Variants in ZNF282 observed in about 807,000 individuals in gnomAD.
ZNF282 encodes the protein zinc finger protein 282, also known as HTLV-I U5 repressive element-binding protein 1.
ZNF282 carries 30 observed loss-of-function variants against 61.9 expected under a neutral mutation model. The ratio of observed to expected loss-of-function variants is 0.48; its 90% CI spans 0.36 to 0.66. The LOEUF (loss-of-function observed/expected upper bound fraction) is 0.66. Among genes scored for constraint, ZNF282 ranks in the 30% least tolerant of loss-of-function variants. The pLI is 0.00. For synonymous variants in ZNF282, 396 were observed against 405.0 expected (o/e 0.98, Z 0.27); for missense variants, 788 against 941.4 (o/e 0.84, Z 2.13).
intron 2 of ZNF282, among the ~76,000 whole-genome samples, chr7:149,206,396 A>G (rs80116267): frequency 0.01 from 1,551 of 152,288 alleles, 21 homozygotes; most frequent in African/African-American, 0.036. Context: ...CTGAATACCA[A>G]AAGAAGCATA....
At chr7:149,213,884 G>C in intron 7 of ZNF282, 70 bp downstream of exon 7, 1 of 1,138,300 alleles carries the variant, frequency 8.8e-7, no homozygotes, top group East Asian at 2.4e-5. Context: ...GTGGACGAAG[G>C]CTGGTCCTCT....
chr7:149,207,873 C>T (rs1796022912), intron 4 of ZNF282, among the ~76,000 whole-genome samples: 1 of 152,218 alleles, frequency 6.6e-6, no homozygotes, highest in Admixed American at 6.5e-5. Context: ...TAATGTACAG[C>T]GTCATCACCT....
At chr7:149,223,700 A>T (rs1454623913) in intron 7 of ZNF282, 112 bp from the exon 8 acceptor site, 2 of 1,169,204 alleles carry the variant, frequency 1.7e-6, no homozygotes, top group Admixed American at 3.7e-5. Flanking sequence ...AATCCCTCGT[A>T]GTTAGTGGAA....
At chr7:149,205,708 A>G (rs561597156) in intron 2 of ZNF282, among the ~76,000 whole-genome samples, 3 of 152,332 alleles carry the variant, frequency 2.0e-5, no homozygotes, top group African/African-American at 4.8e-5. Context: ...CCCACTCACC[A>G]TGCTGAGTAG....
At chr7:149,205,628 C>T (rs116187467) in intron 2 of ZNF282, among the ~76,000 whole-genome samples, 2,728 of 152,070 alleles carry the variant, frequency 0.018, 65 homozygotes, top group African/African-American at 0.06. Context: ...ATCGCACCTG[C>T]GCATGGCATT....
Position 149,224,431 on chromosome 7 carries a change from G to A in ZNF282, c.1800G>A (p.Arg600=). The A allele has an allele frequency of 1.9e-6, 3 of 1,613,774 alleles. No individual in the cohort carries two copies. Among genetic ancestry groups the A allele is most frequent in the Non-Finnish European group, 2.5e-6 (3 of 1,179,914 alleles). Residue 600 remains arginine (R), a synonymous_variant, in exon 8 of 8, where the codon CGG becomes CGA. Transcript: ENST00000610704. ...ACCAGCGGCTGCACACGGGCGAGCG[G>A]CCTTTCCAATGTGCACTGTGCGGCA... ...QNHQRLHTGE[R]PFQCALCGKS...
At chr7:149,219,287 AC>A (rs1217034561) in intron 7 of ZNF282, among the ~76,000 whole-genome samples, 1 of 152,250 alleles carries the variant, frequency 6.6e-6, no homozygotes, top group Non-Finnish European at 1.5e-5. Flanking sequence ...CTTCCCAGGA[AC>A]CAGGGACAAA....
chr7:149,198,895 C>A lies in ZNF282; in HGVS notation c.585+143C>A. On this transcript the variant is annotated intron_variant, in intron 2 of 7. Coordinates refer to ENST00000610704, the MANE Select transcript of ZNF282 (RefSeq NM_003575.4). This position sits in a 1 kb window ranked among gnomAD's most constrained non-coding sequence, Gnocchi z 4.3. ...TCAGTGTCTTCTTAAAGCCTGTCTC[C>A]ACTGAAACAACCTGGTCTTGGACGT... 8.5e-7 allele frequency: 1 copy of A among 1,176,782 alleles called. No individual in the cohort carries two copies. Among genetic ancestry groups the A allele is most frequent in the Non-Finnish European group, 1.2e-6 (1 of 859,870 alleles). The allele number at this position is 1,176,782 out of a possible 1,614,324, so 72.9% of individuals were successfully genotyped here.
At chr7:149,222,360 G>A (rs1796269323) in intron 7 of ZNF282, among the ~76,000 whole-genome samples, 2 of 152,332 alleles carry the variant, frequency 1.3e-5, no homozygotes, top group South Asian at 4.1e-4. Flanking sequence ...CACATGCTTA[G>A]TGGAAACATG....
In ZNF282 at chr7:149,224,208, G is replaced by T. The variant is rs763218497; in HGVS notation, c.1577G>T (p.Ser526Ile). The change falls in exon 8 of 8, where the codon AGC (serine) becomes ATC (isoleucine). Residue 526 changes from serine (S) to isoleucine (I), a missense_variant. Ser to Ile is a moderately radical substitution (Grantham distance 142). Coordinates refer to ENST00000610704, the MANE Select transcript of ZNF282 (RefSeq NM_003575.4). ...KPYSCPECGK[S>I]FGVRKSLIIH... ...TACTCGTGCCCCGAGTGCGGCAAGAGCTTCGGCGTGCGCAAGAGCCTCATC... is the reference window on the plus strand; with the variant it reads ...TACTCGTGCCCCGAGTGCGGCAAGATCTTCGGCGTGCGCAAGAGCCTCATC... 1 of 1,608,448 alleles carries T rather than the reference G, an allele frequency of 6.2e-7. No homozygotes were observed. The highest frequency in any genetic ancestry group is 8.5e-7 in the Non-Finnish European group (1 of 1,179,776).
intron 6 of ZNF282, 23 bp from the exon 7 acceptor site, chr7:149,213,678 C>T (rs147914591): frequency 9.8e-5 from 155 of 1,582,356 alleles, no homozygotes; most frequent in Middle Eastern, 1.7e-4. Context: ...AAATCTAAGA[C>T]TGCCTTCTTT....
intron 4 of ZNF282, among the ~76,000 whole-genome samples, chr7:149,207,966 G>A (rs550076244): frequency 6.6e-6 from 1 of 152,334 alleles, no homozygotes; most frequent in African/African-American, 2.4e-5. Flanking sequence ...TCTTAAGCCT[G>A]AGGAAATCGG....
intron 2 of ZNF282, 60 bp from the exon 3 acceptor site, chr7:149,206,636 A>G: frequency 6.2e-7 from 1 of 1,606,804 alleles, no homozygotes; most frequent in East Asian, 2.2e-5. Context: ...CCCGCAGGAG[A>G]AGGGGAGGTG....
rs754959826 is a variant in ZNF282 at position 149,226,118 on chromosome 7, C to A, written c.*1471C>A. On this transcript the variant is annotated 3_prime_UTR_variant, in exon 8 of 8. Transcript: ENST00000610704. Reference sequence around the variant, plus strand: ...TACGCTGCTCCGCTTTCCTCAGACCCCTTTTTGCCGTGCAAAGGGAATTCT... The same window carrying A: ...TACGCTGCTCCGCTTTCCTCAGACCACTTTTTGCCGTGCAAAGGGAATTCT... 1 of 152,698 alleles carries A rather than the reference C, an allele frequency of 6.5e-6. No homozygotes were observed. The highest frequency in any genetic ancestry group is 6.5e-5 in the Admixed American group (1 of 15,290). The allele number at this position is 152,698 out of a possible 1,614,324, so 9.5% of individuals were successfully genotyped here. A position where few individuals can be genotyped will look rare whatever the true frequency, so the allele number is the denominator to read the frequency against.
chr7:149,220,161 C>A (rs757640209), intron 7 of ZNF282, among the ~76,000 whole-genome samples: 17 of 152,198 alleles, frequency 1.1e-4, no homozygotes, highest in Non-Finnish European at 2.1e-4. Context: ...GTAATCCCAG[C>A]ACTTTGAGAG....
intron 5 of ZNF282, among the ~76,000 whole-genome samples, chr7:149,211,764 C>G (rs1268288140): frequency 6.6e-6 from 1 of 152,130 alleles, no homozygotes; most frequent in Non-Finnish European, 1.5e-5. Flanking sequence ...AGCCCGTTCA[C>G]TTGTCATCAG....
At position 149,195,757 on chromosome 7, in the gene ZNF282, G is replaced by A; in HGVS notation, c.165+3G>A. The A allele has an allele frequency of 6.7e-7, 1 of 1,498,688 alleles. No individual in the cohort carries two copies. Among genetic ancestry groups the A allele is most frequent in the Admixed American group, 2.3e-5 (1 of 42,964 alleles). 92.8% of individuals were successfully genotyped at this position (1,498,688 alleles called of 1,614,324 possible). A position where few individuals can be genotyped will look rare whatever the true frequency, so the allele number is the denominator to read the frequency against. The stretch of plus-strand genomic sequence containing the variant: ...CCGAGGGAATGCCGCCCATGCAGGT[G>A]GGAGAACCCCGCCGGCGCCATGGCC... On this transcript the variant is annotated splice_donor_region_variant and intron_variant, in intron 1 of 7. Coordinates refer to ENST00000610704, the MANE Select transcript of ZNF282 (RefSeq NM_003575.4).
In ZNF282 at chr7:149,195,712, G is replaced by C; in HGVS notation, c.123G>C (p.Pro41=). The C allele has an allele frequency of 1.3e-6, 2 of 1,549,846 alleles. No homozygotes were observed. The highest frequency in any genetic ancestry group is 1.2e-5 in the South Asian group (1 of 84,756). Residue 41 remains proline (P), a synonymous_variant, in exon 1 of 8, where the codon CCG becomes CCC. Coordinates refer to ENST00000610704, the MANE Select transcript of ZNF282 (RefSeq NM_003575.4). The stretch of plus-strand genomic sequence containing the variant: ...CGGAGGAGGTCTGCCACCAGGAGCC[G>C]GCGCTGCGCGGGGAAATGGCCGAGG... The part of the protein sequence containing the change: ...LPPEEVCHQE[P]ALRGEMAEGM...
intron 7 of ZNF282, among the ~76,000 whole-genome samples, chr7:149,219,862 T>C (rs116388763): frequency 0.031 from 4,699 of 151,848 alleles, 231 homozygotes; most frequent in African/African-American, 0.11. Flanking sequence ...CGAAAAAGTT[T>C]TTCAGTGGAA....
Sources: gnomAD v4.1 joint callset for allele counts (sites outside exome capture counted in the v4.1 genomes callset) on GRCh38, gnomAD v4.1.1 for gene constraint, Gnocchi (gnomAD v3.1) non-coding constraint, MANE v1.5 for transcripts, NCBI Gene and HGNC (gene_info 2026-07-23, HGNC 2026-07-21) for gene names.